The following RCC1L variants were observed in gnomAD, a reference collection of about 807,000 sequenced individuals.
RCC1L encodes RCC1-like G exchanging factor-like protein.
In RCC1L, 46 loss-of-function variants were observed where a neutral mutation model predicts 58.6. The observed-to-expected ratio is 0.79, with a 90% CI of 0.62 to 1.00. The LOEUF is 1.00. Among genes scored for constraint, RCC1L ranks in the 50% least tolerant of loss-of-function variants. The pLI, the probability that RCC1L is intolerant of heterozygous loss-of-function variation, is 0.00. For missense variants in RCC1L, 636 were observed against 623.6 expected (o/e 1.02, Z -0.21); for synonymous variants, 281 against 262.9 (o/e 1.07, Z -0.67).
chr7:75,069,070 T>C (rs1806624456), intron 2 of RCC1L, among the ~76,000 whole-genome samples: 1 of 152,130 alleles, frequency 6.6e-6, no homozygotes, highest in Non-Finnish European at 1.5e-5. Context: ...GGTTTCACCA[T>C]GTTGGTCAGG....
intron 10 of RCC1L, among the ~76,000 whole-genome samples, chr7:75,031,672 C>T (rs973512217): frequency 1.3e-5 from 2 of 152,058 alleles, no homozygotes; most frequent in East Asian, 3.8e-4. Flanking sequence ...AGGAAGGGCC[C>T]CCAGAGCCGG....
chr7:75,048,305 C>T (rs1805806422), intron 10 of RCC1L, among the ~76,000 whole-genome samples: 1 of 151,430 alleles, frequency 6.6e-6, no homozygotes, highest in Non-Finnish European at 1.5e-5. Context: ...CACCTAAGAC[C>T]CAGGGCTATG....
intron 5 of RCC1L, among the ~76,000 whole-genome samples, chr7:75,062,186 T>TG (rs1465736458): frequency 1.3e-5 from 2 of 151,876 alleles, no homozygotes; most frequent in Non-Finnish European, 2.9e-5. Context: ...GAAACTATCT[T>TG]GGAGATGTCT....
intron 10 of RCC1L, 78 bp from the exon 11 acceptor site, chr7:75,043,187 G>T: frequency 6.5e-7 from 1 of 1,532,162 alleles, no homozygotes; most frequent in Non-Finnish European, 9.0e-7. Flanking sequence ...GGCCGACCCG[G>T]CCCTGCCTCT....
chr7:75,039,054 G>A (rs928686471), downstream of RCC1L, among the ~76,000 whole-genome samples: 44 of 152,282 alleles, frequency 2.9e-4, 1 homozygote, highest in African/African-American at 8.7e-4. Flanking sequence ...TTGGCCAGGC[G>A]GTCTCAAACT....
At chr7:75,056,616 G>A in intron 8 of RCC1L, 4 of 1,535,136 alleles carry the variant, frequency 2.6e-6, no homozygotes, top group South Asian at 2.4e-5. Context: ...TTTGGCTGGA[G>A]AAGGCAGAGC....
Position 75,058,705 on chromosome 7 carries a change from G to A in RCC1L, c.852C>T (p.Asn284=), listed in dbSNP as rs1472943448. ...TKLGGDLAGV[N]VIQVATYGDC... is the part of the protein sequence containing the mutation. ...CACCGTAGGTGGCAACTTGGATAAC[G>A]TTCACTCCCGCCAGGTCTCCACCCA... Residue 284 remains asparagine, a synonymous_variant, in exon 7 of 11, where the codon AAC becomes AAT. Coordinates refer to ENST00000610322, the MANE Select transcript of RCC1L (RefSeq NM_030798.5). The A allele has an allele frequency of 1.8e-5, 29 of 1,613,832 alleles. No individual in the cohort carries two copies. The highest frequency in any genetic ancestry group is 1.3e-4 in the South Asian group (12 of 91,082).
intron 10 of RCC1L, among the ~76,000 whole-genome samples, chr7:75,037,035 G>T (rs1037799264): frequency 6.6e-6 from 1 of 152,160 alleles, no homozygotes; most frequent in African/African-American, 2.4e-5. Context: ...GCATCCTTCC[G>T]ACTGGCGTGA....
rs184314387 is a variant in RCC1L, at chr7:75,073,064, C to A, written c.324+350G>T. On this transcript the variant is annotated intron_variant, in intron 1 of 10. Transcript: ENST00000610322. ...TAACATCAGAACTCCTGCAGTCACG[C>A]TGGCCTGAGTGAGAATTCCACCGCA... 7.2e-5 allele frequency among the ~76,000 whole-genome samples: 11 copies of A among 152,350 alleles called. No individual in the cohort carries two copies. The East Asian group carries it at 2.1e-3, about 29-fold the overall frequency.
In RCC1L at chr7:75,053,118, G is replaced by A. The variant is rs1281057463; in HGVS notation, c.1232-322C>T. ...CTGGGGTCTGGGGGTGGTGCACGGG[G>A]CTGGGGGTGGTGCATGGAGCTGGGG... On this transcript the variant is annotated intron_variant, in intron 9 of 10. Coordinates refer to ENST00000610322, the MANE Select transcript of RCC1L (RefSeq NM_030798.5). 4.3e-5 allele frequency among the ~76,000 whole-genome samples: 6 copies of A among 139,534 alleles called. No individual in the cohort carries two copies. The East Asian group carries it at 1.3e-3, about 30-fold the overall frequency. 91.5% of individuals were successfully genotyped at this position (139,534 alleles called of 152,430 possible).
At chr7:75,066,147 G>C (rs1401248920) in intron 3 of RCC1L, among the ~76,000 whole-genome samples, 1 of 152,034 alleles carries the variant, frequency 6.6e-6, no homozygotes, top group African/African-American at 2.4e-5. Context: ...CCAGAGAGCA[G>C]AGCACATAAG....
chr7:75,057,504 T>C, intron 8 of RCC1L, 25 bp downstream of exon 8: 1 of 1,612,712 alleles, frequency 6.2e-7, no homozygotes, highest in Non-Finnish European at 8.5e-7. Flanking sequence ...AGCTTCCCAA[T>C]GAGCCACCGG....
Position 75,052,808 on chromosome 7 carries a change from G to A in RCC1L, c.1232-12C>T. 1.9e-6 allele frequency: 3 copies of A among 1,609,910 alleles called. No individual in the cohort carries two copies. The highest frequency in any genetic ancestry group is 1.3e-5 in the African/African-American group (1 of 74,968). On this transcript the variant is annotated splice_polypyrimidine_tract_variant and intron_variant, in intron 9 of 10. Coordinates refer to ENST00000610322, the MANE Select transcript of RCC1L (RefSeq NM_030798.5). ...CAGCTCTCCTTTGTCTGCAAAGGGAGGAAAACAGGGGTTGGTTGGGACTGT... is the reference window on the plus strand; with the variant it reads ...CAGCTCTCCTTTGTCTGCAAAGGGAAGAAAACAGGGGTTGGTTGGGACTGT...
chr7:75,027,916 G>T, exon 11 of RCC1L: 2 of 1,146,556 alleles, frequency 1.7e-6, no homozygotes, highest in South Asian at 1.3e-5. Flanking sequence ...TCTGCTGGGT[G>T]GGAGGGTCTC....
chr7:75,046,436 C>G (rs1050774410), intron 10 of RCC1L, among the ~76,000 whole-genome samples: 1 of 152,184 alleles, frequency 6.6e-6, no homozygotes, highest in Non-Finnish European at 1.5e-5. Context: ...GTCCTTGCTC[C>G]CCGAGGGCTC....
chr7:75,064,767 G>A, intron 3 of RCC1L, 119 bp from the exon 4 acceptor site: 1 of 1,140,506 alleles, frequency 8.8e-7, no homozygotes, highest in Non-Finnish European at 1.3e-6. Flanking sequence ...CCCCCCAACT[G>A]CCCCTGGGTT....
chr7:75,064,833 T>G, intron 3 of RCC1L, 185 bp from the exon 4 acceptor site: 1 of 671,872 alleles, frequency 1.5e-6, no homozygotes, highest in Non-Finnish European at 2.7e-6. Context: ...TGGGGGAATC[T>G]AGACCCGCCT....
intron 2 of RCC1L, among the ~76,000 whole-genome samples, chr7:75,069,948 C>T (rs1196726815): frequency 6.6e-6 from 1 of 152,130 alleles, no homozygotes. Context: ...TTATTTCTAA[C>T]ATTTTTACAA....
At chr7:75,064,495 G>T in intron 4 of RCC1L, 87 bp downstream of exon 4, 1 of 1,486,282 alleles carries the variant, frequency 6.7e-7, no homozygotes, top group Non-Finnish European at 9.4e-7. Context: ...GCCTCTGACC[G>T]CCCCGCGGGT....
Sources: allele counts gnomAD v4.1 joint callset (sites outside exome capture counted in the v4.1 genomes callset), GRCh38; gene constraint gnomAD v4.1.1; transcripts MANE v1.5; gene names NCBI Gene and HGNC (gene_info 2026-07-23, HGNC 2026-07-21).